Variants in HEPACAM2 observed in about 807,000 individuals in gnomAD.
HEPACAM2 encodes the protein mitotic kinetics regulator.
A neutral mutation model predicts 49.6 loss-of-function variants in HEPACAM2; 49 were observed. The ratio of observed to expected loss-of-function variants is 0.99; its 90% CI spans 0.78 to 1.25. The LOEUF (loss-of-function observed/expected upper bound fraction) is 1.25. Ranked by LOEUF, HEPACAM2 falls within the 50% of genes most tolerant of loss-of-function variation. The probability of loss-of-function intolerance (pLI) is 0.00; values close to 1 mark genes in which losing one functional copy is unlikely to be tolerated. For missense variants in HEPACAM2, 525 were observed against 557.2 expected, an observed-to-expected ratio of 0.94 and a Z score of 0.58; for synonymous variants, 197 against 202.9, an observed-to-expected ratio of 0.97 and a Z score of 0.25.
chr7:93,197,750 A>G, intron 4 of HEPACAM2, 140 bp from the exon 5 acceptor site: 1 of 589,372 alleles, frequency 1.7e-6, no homozygotes, highest in Non-Finnish European at 2.9e-6. Flanking sequence ...AGAGAGAGAG[A>G]GACCAAATGG....
chr7:93,196,032 A>G (rs1793708827), intron 7 of HEPACAM2, 131 bp from the exon 8 acceptor site: 3 of 650,172 alleles, frequency 4.6e-6, no homozygotes, highest in Non-Finnish European at 8.0e-6. Context: ...AACATTTCCT[A>G]ATTCCTATAG....
chr7:93,196,021 T>C (rs1476810131), intron 7 of HEPACAM2, 120 bp from the exon 8 acceptor site: 1 of 674,004 alleles, frequency 1.5e-6, no homozygotes, highest in Non-Finnish European at 2.6e-6. Context: ...AAAATGAATT[T>C]AACATTTCCT....
At chr7:93,218,590 A>G (rs1218730118) in intron 2 of HEPACAM2, among the ~76,000 whole-genome samples, 2 of 152,298 alleles carry the variant, frequency 1.3e-5, no homozygotes, top group Non-Finnish European at 2.9e-5. Context: ...TACATATGTC[A>G]CTTATTTCAA....
intron 8 of HEPACAM2, 65 bp from the exon 9 acceptor site, chr7:93,192,428 T>C: frequency 8.3e-7 from 1 of 1,203,966 alleles, no homozygotes; most frequent in Non-Finnish European, 1.2e-6. Context: ...TCCACTATGT[T>C]GCATAGTTGA....
intron 3 of HEPACAM2, among the ~76,000 whole-genome samples, chr7:93,211,251 G>T (rs768403876): frequency 6.6e-6 from 1 of 152,024 alleles, no homozygotes; most frequent in Non-Finnish European, 1.5e-5. Flanking sequence ...TAATAAACCT[G>T]CATGAGATAA....
intron 3 of HEPACAM2, among the ~76,000 whole-genome samples, chr7:93,213,638 T>A (rs1042758336): frequency 6.6e-6 from 1 of 152,120 alleles, no homozygotes; most frequent in African/African-American, 2.4e-5. Context: ...TTTCTTAATC[T>A]CTGTCAGCTA....
chr7:93,211,653 G>A (rs990737461), intron 3 of HEPACAM2, among the ~76,000 whole-genome samples: 5 of 151,920 alleles, frequency 3.3e-5, no homozygotes, highest in African/African-American at 1.2e-4. Flanking sequence ...GGTTCAGAAG[G>A]GACCCTTCAT....
intron 4 of HEPACAM2, among the ~76,000 whole-genome samples, chr7:93,198,329 T>G (rs527252154): frequency 7.9e-5 from 12 of 152,202 alleles, no homozygotes; most frequent in African/African-American, 2.9e-4. Flanking sequence ...ACTGAATCTT[T>G]ACAACAATCC....
chr7:93,197,737 C>CAG (rs111505689), intron 4 of HEPACAM2, 127 bp from the exon 5 acceptor site: 130 of 626,372 alleles, frequency 2.1e-4, no homozygotes, highest in East Asian at 4.6e-4. Context: ...TAGAGACACA[C>CAG]AGAGAGAGAG....
intron 4 of HEPACAM2, chr7:93,205,365 C>T (rs540416115): frequency 1.3e-5 from 2 of 152,200 alleles, no homozygotes; most frequent in South Asian, 4.1e-4. Flanking sequence ...TGATTATTTC[C>T]TGACCTTGTC....
At chr7:93,231,904 G>A in the HEPACAM2 span, among the ~76,000 whole-genome samples, 1 of 152,086 alleles carries the variant, frequency 6.6e-6, no homozygotes, top group Non-Finnish European at 1.5e-5. Flanking sequence ...AACCCAGCGC[G>A]CCCGGGGTAG....
intron 1 of HEPACAM2, chr7:93,225,797 A>C: frequency 1.8e-6 from 1 of 569,398 alleles, no homozygotes; most frequent in Non-Finnish European, 2.9e-6. Context: ...GCAAAGAGAA[A>C]AGCTAAAGGC....
intron 4 of HEPACAM2, among the ~76,000 whole-genome samples, chr7:93,207,603 T>A (rs1292271840): frequency 6.6e-6 from 1 of 151,860 alleles, no homozygotes; most frequent in Non-Finnish European, 1.5e-5. Flanking sequence ...GGTGACTGAA[T>A]GTGGGACCAG....
intron 7 of HEPACAM2, 113 bp from the exon 8 acceptor site, chr7:93,196,014 A>G (rs1416330491): frequency 4.5e-5 from 32 of 719,022 alleles, no homozygotes; most frequent in Non-Finnish European, 4.5e-5. Flanking sequence ...TAGGTACAAA[A>G]TGAATTTAAC....
chr7:93,203,171 G>A (rs1422491731), intron 4 of HEPACAM2, among the ~76,000 whole-genome samples: 1 of 152,040 alleles, frequency 6.6e-6, no homozygotes, highest in East Asian at 1.9e-4. Flanking sequence ...TGAGGAATAG[G>A]GACAATCCTT....
chr7:93,191,998 G>A (rs142726950), intron 9 of HEPACAM2, among the ~76,000 whole-genome samples: 97 of 152,176 alleles, frequency 6.4e-4, no homozygotes, highest in East Asian at 2.9e-3. Context: ...AGAAACTAAT[G>A]TACACAAGAG....
At chr7:93,228,038 A>G (rs746863613), upstream of HEPACAM2, among the ~76,000 whole-genome samples, 7 of 152,210 alleles carry the variant, frequency 4.6e-5, no homozygotes, top group Admixed American at 6.5e-5. Context: ...AGTTCTACAG[A>G]TATCACATAG....
chr7:93,226,058 A>G (rs2116733505), intron 1 of HEPACAM2: 1 of 554,986 alleles, frequency 1.8e-6, no homozygotes, highest in Non-Finnish European at 3.1e-6. Flanking sequence ...TGCATTAAAG[A>G]CTATTGAACC....
chr7:93,226,095 T>C, intron 1 of HEPACAM2: 1 of 537,666 alleles, frequency 1.9e-6, no homozygotes, highest in Non-Finnish European at 3.3e-6. Context: ...AAGAAGAAAT[T>C]CATTATCTTT....
Sources: gnomAD v4.1 joint callset for allele counts (sites outside exome capture counted in the v4.1 genomes callset) on GRCh38, gnomAD v4.1.1 for gene constraint, MANE v1.5 for transcripts, NCBI Gene and HGNC (gene_info 2026-07-23, HGNC 2026-07-21) for gene names.